Variants in DCLK1 observed in about 807,000 individuals in gnomAD.
DCLK1 encodes the protein doublecortin like kinase 1.
A neutral mutation model predicts 86.2 loss-of-function variants in DCLK1; 16 were observed. The ratio of observed to expected loss-of-function variants is 0.19; its 90% CI spans 0.13 to 0.28. The LOEUF is 0.28. Ranked by LOEUF, DCLK1 falls within the 10% of genes least tolerant of loss-of-function variation. The probability of loss-of-function intolerance (pLI) is 1.00; values close to 1 mark genes in which losing one functional copy is unlikely to be tolerated. For missense variants in DCLK1, 590 were observed against 940.2 expected, an observed-to-expected ratio of 0.63 and a Z score of 4.87; for synonymous variants, 369 against 370.5, an observed-to-expected ratio of 1.00 and a Z score of 0.05.
chr13:36,024,107 G>T (rs1041040026), intron 3 of DCLK1, among the ~76,000 whole-genome samples: 2 of 151,488 alleles, frequency 1.3e-5, no homozygotes, highest in Admixed American at 1.3e-4. Flanking sequence ...TGTTGGCAAG[G>T]CTGGTCTCAA....
rs552592587 is a variant in DCLK1 at position 35,879,760 on chromosome 13, C to G, written c.824-8420G>C. Among the ~76,000 whole-genome samples the G allele has an allele frequency of 1.1e-4, 17 of 152,278 alleles. No homozygotes were observed. In the South Asian group the frequency reaches 3.1e-3, roughly 28 times the overall value. ...AAAGCTGATCTGTTCCTTGTTCTAC[C>G]AGAACTTAATTTCCTGAAATGAATA... is the stretch of plus-strand genomic sequence containing the variant. On this transcript the variant is annotated intron_variant, in intron 4 of 16. Coordinates refer to ENST00000360631, the MANE Select transcript of DCLK1 (RefSeq NM_001330071.2).
intron 5 of DCLK1, among the ~76,000 whole-genome samples, chr13:35,857,209 G>T (rs1871110854): frequency 6.6e-6 from 1 of 151,840 alleles, no homozygotes; most frequent in Non-Finnish European, 1.5e-5. Context: ...TCTTCAGGAG[G>T]GACTGTCCCT....
At chr13:36,030,940 AT>A (rs1226348316) in intron 3 of DCLK1, among the ~76,000 whole-genome samples, 1 of 152,100 alleles carries the variant, frequency 6.6e-6, no homozygotes, top group African/African-American at 2.4e-5. Flanking sequence ...CTTGGGAGGC[AT>A]TGTTCCCTTA....
chr13:35,972,095 C>G (rs893357594), intron 3 of DCLK1, among the ~76,000 whole-genome samples: 1 of 152,116 alleles, frequency 6.6e-6, no homozygotes, highest in Non-Finnish European at 1.5e-5. Context: ...ATCCTTGTCC[C>G]ACAGCTCAAC....
At chr13:35,955,899 C>A (rs1490225820) in intron 3 of DCLK1, among the ~76,000 whole-genome samples, 1 of 152,054 alleles carries the variant, frequency 6.6e-6, no homozygotes, top group African/African-American at 2.4e-5. Context: ...TGATTTGGGG[C>A]TATTATTTAA....
At chr13:35,996,881 C>T (rs908177410) in intron 3 of DCLK1, among the ~76,000 whole-genome samples, 2 of 152,178 alleles carry the variant, frequency 1.3e-5, no homozygotes, top group African/African-American at 2.4e-5. Context: ...AGTGAGCATT[C>T]GACCTGTTGG....
intron 4 of DCLK1, among the ~76,000 whole-genome samples, chr13:35,876,290 A>T (rs1872587720): frequency 6.6e-6 from 1 of 152,204 alleles, no homozygotes; most frequent in African/African-American, 2.4e-5. Flanking sequence ...TAAGAGTGAT[A>T]CTTCATGAGT....
chr13:36,076,024 C>CA (rs910796667), intron 3 of DCLK1, among the ~76,000 whole-genome samples: 69 of 151,920 alleles, frequency 4.5e-4, no homozygotes, highest in Non-Finnish European at 4.9e-4. Flanking sequence ...GGCTCCGTCT[C>CA]AAAAAAAATG....
rs564422956 is a variant in DCLK1, at chr13:35,798,501, C to T, written c.1945-5022G>A. On this transcript the variant is annotated intron_variant, in intron 15 of 16. Transcript: ENST00000360631. ...AGGTTATTAAAGGACTCTTCAATAG[C>T]AGTTCCGCTGCACCTCCCAGTGTGC... is the stretch of plus-strand genomic sequence containing the variant. Among the ~76,000 whole-genome samples the T allele has an allele frequency of 1.3e-4, 20 of 152,288 alleles. No homozygotes were observed. The South Asian group carries it at 4.1e-3, about 32-fold the overall frequency.
At chr13:36,131,488 C>G (rs1001233747), upstream of DCLK1, among the ~76,000 whole-genome samples, 2 of 152,082 alleles carry the variant, frequency 1.3e-5, no homozygotes, top group Non-Finnish European at 2.9e-5. Flanking sequence ...TCGCCCCCGC[C>G]CTTCTTGGCA....
intron 4 of DCLK1, among the ~76,000 whole-genome samples, chr13:35,896,987 C>CA (rs1874042335): frequency 6.6e-6 from 1 of 152,096 alleles, no homozygotes; most frequent in East Asian, 1.9e-4. Context: ...GCAGGTGCCC[C>CA]AGGCTACAGG....
At chr13:35,907,771 G>T (rs1452555046) in intron 4 of DCLK1, among the ~76,000 whole-genome samples, 1 of 149,758 alleles carries the variant, frequency 6.7e-6, no homozygotes, top group Non-Finnish European at 1.5e-5. Context: ...CTAAGCATGG[G>T]TTAAACAGTC....
chr13:35,831,680 T>G (rs1452190469), intron 8 of DCLK1, among the ~76,000 whole-genome samples: 1 of 152,052 alleles, frequency 6.6e-6, no homozygotes, highest in Admixed American at 6.6e-5. Context: ...TGCTTGTTTT[T>G]GAAATTATGT....
intron 4 of DCLK1, among the ~76,000 whole-genome samples, chr13:35,944,211 G>C (rs577870405): frequency 6.6e-6 from 1 of 152,114 alleles, no homozygotes; most frequent in Non-Finnish European, 1.5e-5. Flanking sequence ...GTAATTAGAG[G>C]GATGTATTAT....
intron 4 of DCLK1, among the ~76,000 whole-genome samples, chr13:35,886,793 C>T (rs1167498554): frequency 6.6e-6 from 1 of 152,074 alleles, no homozygotes; most frequent in African/African-American, 2.4e-5. Context: ...TTTCACTGCT[C>T]CAGAGAAAAC....
At chr13:35,856,440 C>G (rs566671490) in intron 5 of DCLK1, among the ~76,000 whole-genome samples, 1 of 152,196 alleles carries the variant, frequency 6.6e-6, no homozygotes, top group Admixed American at 6.5e-5. Context: ...TTTTCTTTAC[C>G]CACCCGCATT....
At chr13:35,921,046 G>T (rs776750843) in intron 4 of DCLK1, among the ~76,000 whole-genome samples, 20 of 152,216 alleles carry the variant, frequency 1.3e-4, no homozygotes, top group Non-Finnish European at 1.5e-4. Flanking sequence ...CGACCTAACT[G>T]GTTGCCCTGC....
chr13:35,811,393 G>A (rs1385585530), intron 11 of DCLK1, among the ~76,000 whole-genome samples: 1 of 151,778 alleles, frequency 6.6e-6, no homozygotes, highest in Non-Finnish European at 1.5e-5. Flanking sequence ...GTCTCTTGGT[G>A]GTAGGATTAC....
At position 35,774,425 on chromosome 13, in the gene DCLK1, C is replaced by G; in HGVS notation, c.*110G>C. On this transcript the variant is annotated 3_prime_UTR_variant, in exon 17 of 17. Coordinates refer to ENST00000360631, the MANE Select transcript of DCLK1 (RefSeq NM_001330071.2). ...TGAAAACACTTTCAGTTCTGCCATTCAAGCATTGAGCGCTAGATAGATCAG... is the reference window on the plus strand; with the variant it reads ...TGAAAACACTTTCAGTTCTGCCATTGAAGCATTGAGCGCTAGATAGATCAG... 1 of 1,300,596 alleles carries G rather than the reference C, an allele frequency of 7.7e-7. No homozygotes were observed. The highest frequency in any genetic ancestry group is 1.0e-6 in the Non-Finnish European group (1 of 955,432). The allele number at this position is 1,300,596 out of a possible 1,614,324, so 80.6% of individuals were successfully genotyped here.
Sources: gnomAD v4.1 joint callset for allele counts (sites outside exome capture counted in the v4.1 genomes callset) on GRCh38, gnomAD v4.1.1 for gene constraint, MANE v1.5 for transcripts, NCBI Gene and HGNC (gene_info 2026-07-23, HGNC 2026-07-21) for gene names.